Variants in PDE4D observed in about 807,000 individuals in gnomAD.
The protein encoded by PDE4D is 3',5'-cyclic-AMP phosphodiesterase 4D.
In PDE4D, 24 loss-of-function variants were observed where a neutral mutation model predicts 87.4. That is an observed-to-expected ratio of 0.27 (90% CI 0.20 to 0.39). The LOEUF (loss-of-function observed/expected upper bound fraction) is 0.39. Ranked by LOEUF, PDE4D falls within the 10% of genes least tolerant of loss-of-function variation. The pLI is 1.00. For synonymous variants in PDE4D, 384 were observed against 383.2 expected (o/e 1.00, Z -0.02); for missense variants, 714 against 1,041.0 (o/e 0.69, Z 4.32).
chr5:59,795,437 C>T (rs1278390722), intron 1 of PDE4D, among the ~76,000 whole-genome samples: 7 of 152,008 alleles, frequency 4.6e-5, no homozygotes, highest in South Asian at 4.1e-4. Context: ...TTAATCTCTG[C>T]GGCAAATGCA....
chr5:59,430,090 G>A (rs578134162), intron 1 of PDE4D, among the ~76,000 whole-genome samples: 2 of 152,258 alleles, frequency 1.3e-5, no homozygotes, highest in East Asian at 3.9e-4. Flanking sequence ...TACAGACCTT[G>A]AAACCAGATC....
chr5:59,537,428 TA>T (rs1276268265), intron 1 of PDE4D, among the ~76,000 whole-genome samples: 2 of 152,248 alleles, frequency 1.3e-5, no homozygotes, highest in African/African-American at 2.4e-5. Flanking sequence ...TCATGCTTCC[TA>T]ACTTTTCTAA....
In PDE4D at chr5:59,742,528, C is replaced by G. The variant is rs565408513; in HGVS notation, c.455+150640G>C. On this transcript the variant is annotated intron_variant, in intron 1 of 14. Coordinates refer to ENST00000340635, the MANE Select transcript of PDE4D (RefSeq NM_001104631.2). ...TATGAGATTTACTCCATTTTATATC[C>G]AAAATATAGTAAACCAGGCTTTGAA... 3.3e-4 allele frequency among the ~76,000 whole-genome samples: 50 copies of G among 152,218 alleles called. 1 individual carries two copies. In the South Asian group the frequency reaches 9.9e-3, roughly 30 times the overall value.
At chr5:58,979,416 A>ATGT (rs1422559761) in intron 11 of PDE4D, among the ~76,000 whole-genome samples, 1 of 152,166 alleles carries the variant, frequency 6.6e-6, no homozygotes, top group Non-Finnish European at 1.5e-5. Context: ...AAATGAACAA[A>ATGT]TGTTAGCATT....
At chr5:59,550,318 G>A (rs1817907905) in intron 1 of PDE4D, among the ~76,000 whole-genome samples, 1 of 151,844 alleles carries the variant, frequency 6.6e-6, no homozygotes, top group Non-Finnish European at 1.5e-5. Flanking sequence ...CACATTTTCA[G>A]TTTTCCACTA....
At chr5:59,703,782 T>C (rs899899521) in intron 1 of PDE4D, 5 of 320,608 alleles carry the variant, frequency 1.6e-5, no homozygotes, top group South Asian at 5.2e-5. Flanking sequence ...AATGTGTGCA[T>C]GAATGACTTG....
At chr5:59,292,288 T>C (rs978708725) in intron 1 of PDE4D, among the ~76,000 whole-genome samples, 4 of 152,180 alleles carry the variant, frequency 2.6e-5, no homozygotes, top group Non-Finnish European at 4.4e-5. Flanking sequence ...AAATTCTTAT[T>C]AGAGTGATAA....
intron 2 of PDE4D, among the ~76,000 whole-genome samples, chr5:59,197,463 G>A (rs955144584): frequency 2.0e-5 from 3 of 152,176 alleles, no homozygotes; most frequent in Admixed American, 6.5e-5. Context: ...TCGATAAACG[G>A]CAGGTTATAG....
At chr5:59,509,010 GA>G (rs1287301622) in intron 1 of PDE4D, among the ~76,000 whole-genome samples, 2 of 151,880 alleles carry the variant, frequency 1.3e-5, no homozygotes, top group African/African-American at 4.8e-5. Flanking sequence ...GGCAATATTT[GA>G]AACAATAATA....
intron 1 of PDE4D, among the ~76,000 whole-genome samples, chr5:59,400,275 C>A (rs1399578877): frequency 1.1e-5 from 1 of 93,972 alleles, no homozygotes; most frequent in East Asian, 3.1e-4. Context: ...TATAAAGACA[C>A]ATGCACATGT....
chr5:59,849,228 T>C (rs1744320222), intron 1 of PDE4D, among the ~76,000 whole-genome samples: 1 of 151,994 alleles, frequency 6.6e-6, no homozygotes, highest in African/African-American at 2.4e-5. Context: ...TAAAAAAAAT[T>C]ATAGAATGCT....
At chr5:60,086,922 G>A (rs1056076502) in intron 2 of PDE4D, among the ~76,000 whole-genome samples, 4 of 152,168 alleles carry the variant, frequency 2.6e-5, no homozygotes, top group Admixed American at 2.0e-4. Flanking sequence ...GTGCTGCAAG[G>A]GGGGGCACCA....
At chr5:59,721,283 C>CAAGTG (rs1755792201) in intron 1 of PDE4D, among the ~76,000 whole-genome samples, 3 of 151,926 alleles carry the variant, frequency 2.0e-5, no homozygotes, top group Admixed American at 2.0e-4. Context: ...TATTGTCAAC[C>CAAGTG]CTGAGGAATA....
intron 1 of PDE4D, among the ~76,000 whole-genome samples, chr5:59,606,657 G>A (rs988122271): frequency 1.3e-5 from 2 of 152,034 alleles, no homozygotes; most frequent in Non-Finnish European, 2.9e-5. Flanking sequence ...ATGCAATTAT[G>A]GAAAGAGTAG....
intron 2 of PDE4D, among the ~76,000 whole-genome samples, chr5:60,143,024 T>A (rs1780675761): frequency 6.6e-6 from 1 of 152,196 alleles, no homozygotes; most frequent in Admixed American, 6.5e-5. Context: ...TGACATTAGA[T>A]TAGACAGTCA....
intron 1 of PDE4D, among the ~76,000 whole-genome samples, chr5:60,519,488 A>C (rs1039859826): frequency 5.3e-5 from 8 of 152,260 alleles, no homozygotes; most frequent in Non-Finnish European, 8.8e-5. Flanking sequence ...TGACCTTTAA[A>C]TGTGCTGGTT....
At chr5:59,127,930 G>A (rs1775703027) in intron 5 of PDE4D, among the ~76,000 whole-genome samples, 1 of 151,774 alleles carries the variant, frequency 6.6e-6, no homozygotes, top group East Asian at 1.9e-4. Context: ...TTGTTCCTTA[G>A]CGTTCTGTCC....
At chr5:60,016,111 TA>T in intron 2 of PDE4D, among the ~76,000 whole-genome samples, 1 of 152,138 alleles carries the variant, frequency 6.6e-6, no homozygotes, top group South Asian at 2.1e-4. Context: ...CTCAAAGATA[TA>T]GCAGGTACAG....
At chr5:59,621,509 T>G (rs759442524) in intron 1 of PDE4D, among the ~76,000 whole-genome samples, 29 of 152,186 alleles carry the variant, frequency 1.9e-4, no homozygotes, top group Non-Finnish European at 3.5e-4. Flanking sequence ...AAATGATGCT[T>G]CAGCTTACAA....
Sources: allele counts gnomAD v4.1 joint callset (sites outside exome capture counted in the v4.1 genomes callset), GRCh38; gene constraint gnomAD v4.1.1; transcripts MANE v1.5; gene names NCBI Gene and HGNC (gene_info 2026-07-23, HGNC 2026-07-21).